NT5C3B: variants seen among roughly 807,000 people sequenced by gnomAD.
The protein encoded by NT5C3B is 7-methylguanosine phosphate-specific 5'-nucleotidase.
A neutral mutation model predicts 32.5 loss-of-function variants in NT5C3B; 28 were observed. That is an observed-to-expected ratio of 0.86 (90% CI 0.64 to 1.18). NT5C3B has a LOEUF of 1.18. Ranked by LOEUF, NT5C3B falls within the 50% of genes most tolerant of loss-of-function variation. The probability of loss-of-function intolerance (pLI) is 0.00; values close to 1 mark genes in which losing one functional copy is unlikely to be tolerated. For synonymous variants in NT5C3B, 138 were observed against 118.0 expected (o/e 1.17, Z -1.10); for missense variants, 317 against 322.0 (o/e 0.98, Z 0.12).
intron 8 of NT5C3B, among the ~76,000 whole-genome samples, chr17:41,825,905 C>T (rs2047952961): frequency 6.6e-6 from 1 of 152,160 alleles, no homozygotes; most frequent in African/African-American, 2.4e-5. Flanking sequence ...AAACAAAAAA[C>T]CAGATGTTGC....
In NT5C3B at chr17:41,836,196, C is replaced by G. The variant is rs1468756693; in HGVS notation, c.-3G>C. ...TCCCTCCTCACCTCCTCTGCCATCCCGTTCGAGGCCTGGTCGGCGGCTCGC... is the reference window on the plus strand; with the variant it reads ...TCCCTCCTCACCTCCTCTGCCATCCGGTTCGAGGCCTGGTCGGCGGCTCGC... On this transcript the variant is annotated 5_prime_UTR_variant, in exon 1 of 9. Coordinates refer to ENST00000435506, the MANE Select transcript of NT5C3B (RefSeq NM_052935.5). 15 of 1,249,562 alleles carry G rather than the reference C, an allele frequency of 1.2e-5. No individual in the cohort carries two copies. The highest frequency in any genetic ancestry group is 2.7e-4 in the Middle Eastern group (1 of 3,736). The allele number at this position is 1,249,562 out of a possible 1,614,324, so 77.4% of individuals were successfully genotyped here. A position where few individuals can be genotyped will look rare whatever the true frequency, so the allele number is the denominator to read the frequency against.
chr17:41,834,950 C>T lies in NT5C3B; in HGVS notation c.228+120G>A, dbSNP rs1311928510. On this transcript the variant is annotated intron_variant, in intron 4 of 8. Transcript: ENST00000435506. ...TAAAACTAGACCCTCCTTAGCAAAA[C>T]AACAAGTTTTTAAAAATTAATTTTC... 9 of 1,012,242 alleles carry T rather than the reference C, an allele frequency of 8.9e-6. No individual in the cohort carries two copies. The African/African-American group carries it at 1.5e-4, about 16-fold the overall frequency. 62.7% of individuals were successfully genotyped at this position (1,012,242 alleles called of 1,614,324 possible). A position where few individuals can be genotyped will look rare whatever the true frequency, so the allele number is the denominator to read the frequency against.
intron 4 of NT5C3B, 37 bp from the exon 5 acceptor site, chr17:41,832,514 A>G: frequency 1.3e-6 from 2 of 1,581,588 alleles, no homozygotes; most frequent in East Asian, 4.5e-5. Flanking sequence ...CCATTAGTCC[A>G]TATCAAGTTC....
chr17:41,829,670 T>C (rs2048021277), intron 6 of NT5C3B, among the ~76,000 whole-genome samples: 1 of 152,224 alleles, frequency 6.6e-6, no homozygotes, highest in South Asian at 2.1e-4. Context: ...GTCACTGCAA[T>C]GCAGCATTAT....
Position 41,831,154 on chromosome 17 carries a change from G to A in NT5C3B, c.315-264C>T, listed in dbSNP as rs575622316. Among the ~76,000 whole-genome samples, 8 of 151,952 alleles carry A rather than the reference G, an allele frequency of 5.3e-5. No homozygotes were observed. In the South Asian group the frequency reaches 1.5e-3, roughly 28 times the overall value. On this transcript the variant is annotated intron_variant, in intron 5 of 8. Coordinates refer to ENST00000435506, the MANE Select transcript of NT5C3B (RefSeq NM_052935.5). ...GCCAGCATGGTGAAACCCTGTCTCC[G>A]CTAAAAATACAAAAATTAGCTGGGC... is the stretch of plus-strand genomic sequence containing the variant.
intron 5 of NT5C3B, among the ~76,000 whole-genome samples, chr17:41,831,385 G>A (rs1168770189): frequency 7.3e-5 from 11 of 151,374 alleles, no homozygotes; most frequent in African/African-American, 2.7e-4. Flanking sequence ...TGCTGGGCAA[G>A]CTGACTGCTG....
intron 8 of NT5C3B, among the ~76,000 whole-genome samples, chr17:41,826,997 C>T (rs1329214226): frequency 2.8e-5 from 2 of 72,096 alleles, no homozygotes; most frequent in Non-Finnish European, 5.5e-5. Flanking sequence ...GAGACTCTAT[C>T]TCAAAAAAAA....
intron 1 of NT5C3B, 54 bp downstream of exon 1, chr17:41,836,128 C>A: frequency 7.6e-7 from 1 of 1,323,574 alleles, no homozygotes; most frequent in Non-Finnish European, 9.6e-7. Flanking sequence ...CTCGAAGCGC[C>A]CCGGGGGTCG....
Position 41,835,924 on chromosome 17 carries a change from G to A in NT5C3B, c.46C>T (p.Arg16Trp), listed in dbSNP as rs1555619891. The A allele has an allele frequency of 3.1e-6, 5 of 1,603,680 alleles. No individual in the cohort carries two copies. The highest frequency in any genetic ancestry group is 4.3e-6 in the Non-Finnish European group (5 of 1,175,904). ...STLMKATVLMRQPGRVQEIVG... is the reference protein window; with the variant it reads ...STLMKATVLMWQPGRVQEIVG... Reference sequence around the variant, plus strand: ...ATCTCCTGCACCCGCCCAGGCTGCCGCATCAGGACCGTGGCCTTCATCAGG... The same window carrying A: ...ATCTCCTGCACCCGCCCAGGCTGCCACATCAGGACCGTGGCCTTCATCAGG... The change falls in exon 2 of 9, where the codon CGG becomes TGG. Residue 16 changes from arginine to tryptophan, a missense_variant. By Grantham distance (101) the Arg-to-Trp change is moderately radical. Coordinates refer to ENST00000435506, the MANE Select transcript of NT5C3B (RefSeq NM_052935.5).
intron 6 of NT5C3B, among the ~76,000 whole-genome samples, chr17:41,830,402 G>C (rs1836878): frequency 6.6e-6 from 1 of 151,898 alleles, no homozygotes; most frequent in Admixed American, 6.6e-5. Context: ...CAGCTTACTC[G>C]GGAGGCTGAG....
In NT5C3B at chr17:41,830,831, TG is replaced by T. The variant is rs1555618908; in HGVS notation, c.373del (p.Gln125ArgfsTer46). ...CATTGCATTGGACTCTCTAACCACC[TG>T]GGCTATCTGAAACTTCTGAATCTTC... ...QQKIQKFQIAQVVRESNAMLR... is the reference protein window; with the variant it reads ...QQKIQKFQIAXVVRESNAMLR... On this transcript the variant is annotated frameshift_variant, in exon 6 of 9. Coordinates refer to ENST00000435506, the MANE Select transcript of NT5C3B (RefSeq NM_052935.5). LOFTEE classifies it high-confidence loss of function. 2 of 1,611,954 alleles carry T rather than the reference TG, an allele frequency of 1.2e-6. No individual in the cohort carries two copies. Among genetic ancestry groups the T allele is most frequent in the South Asian group, 2.2e-5 (2 of 90,908 alleles).
intron 4 of NT5C3B, 87 bp from the exon 5 acceptor site, chr17:41,832,564 C>A (rs1555619212): frequency 7.5e-6 from 9 of 1,203,322 alleles, no homozygotes; most frequent in Non-Finnish European, 1.1e-5. Flanking sequence ...AGAAAAAAGT[C>A]ACCTAGAAGA....
rs1555619724 is a variant in NT5C3B at position 41,835,265 on chromosome 17, G to T, written c.119C>A (p.Ser40Tyr). 6.2e-7 allele frequency: 1 copy of T among 1,614,070 alleles called. No homozygotes were observed. ...KGGGDRLQVI[S>Y]DFDMTLSRFA... ...CCTGCTCAAGGTCATGTCAAAATCAGAAATCACCTATAAGGCAAAAGAGAG... is the reference window on the plus strand; with the variant it reads ...CCTGCTCAAGGTCATGTCAAAATCATAAATCACCTATAAGGCAAAAGAGAG... The change falls in exon 3 of 9, where the codon TCT becomes TAT. Residue 40 changes from serine (S) to tyrosine (Y), a missense_variant. By Grantham distance (144) the Ser-to-Tyr change is moderately radical. Transcript: ENST00000435506.
rs1342704178 is a variant in NT5C3B, at chr17:41,830,679, G to A, written c.404+122C>T. On this transcript the variant is annotated intron_variant, in intron 6 of 8. Coordinates refer to ENST00000435506, the MANE Select transcript of NT5C3B (RefSeq NM_052935.5). Reference sequence around the variant, plus strand: ...AGCTGTATCACATCAGTTGTTCATAGTGCCATGTCCCTTCCGGTCCTTTAA... The same window carrying A: ...AGCTGTATCACATCAGTTGTTCATAATGCCATGTCCCTTCCGGTCCTTTAA... 27 of 705,882 alleles carry A rather than the reference G, an allele frequency of 3.8e-5. No individual in the cohort carries two copies. The East Asian group carries it at 6.4e-4, about 17-fold the overall frequency. 43.7% of individuals were successfully genotyped at this position (705,882 alleles called of 1,614,324 possible). A position where few individuals can be genotyped will look rare whatever the true frequency, so the allele number is the denominator to read the frequency against.
intron 7 of NT5C3B, 124 bp from the exon 8 acceptor site, chr17:41,827,750 T>G (rs2047991157): frequency 3.1e-6 from 2 of 648,406 alleles, no homozygotes; most frequent in Non-Finnish European, 5.6e-6. Context: ...AAAACTTCAC[T>G]GTAGCCTAAA....
intron 4 of NT5C3B, among the ~76,000 whole-genome samples, chr17:41,832,973 TCTC>T (rs1262919898): frequency 1.3e-5 from 2 of 152,208 alleles, no homozygotes; most frequent in Admixed American, 1.3e-4. Context: ...AAGTTTCTCT[TCTC>T]ATATTATCTT....
chr17:41,825,838 CA>C (rs1555618068), intron 8 of NT5C3B, among the ~76,000 whole-genome samples, 181 bp from the exon 9 acceptor site: 1 of 152,202 alleles, frequency 6.6e-6, no homozygotes, highest in African/African-American at 2.4e-5. Flanking sequence ...GAGGGATGGG[CA>C]TGGGCTACCA....
chr17:41,827,426 C>A lies in NT5C3B; in HGVS notation c.768G>T (p.Lys256Asn), dbSNP rs782068534. 6 of 872,484 alleles carry A rather than the reference C, an allele frequency of 6.9e-6. No individual in the cohort carries two copies. The highest frequency in any genetic ancestry group is 1.2e-5 in the Non-Finnish European group (6 of 501,664). The allele number at this position is 872,484 out of a possible 1,614,324, so 54.0% of individuals were successfully genotyped here. ...GAAGCAGCCCTGGTCCTCTACCCAC[C>A]TTGTCATTCAGGAAGCCAATTTTGA... is the stretch of plus-strand genomic sequence containing the variant. ...NILKIGFLNDKVEERRERYMD... is the reference protein window; with the variant it reads ...NILKIGFLNDNVEERRERYMD... Residue 256 changes from lysine to asparagine, a missense_variant and splice_region_variant, in exon 8 of 9, where the codon AAG becomes AAT. Transcript: ENST00000435506.
intron 6 of NT5C3B, among the ~76,000 whole-genome samples, chr17:41,830,276 C>T (rs1397681051): frequency 1.3e-5 from 2 of 152,162 alleles, no homozygotes; most frequent in South Asian, 2.1e-4. Flanking sequence ...TTTGGAAGGC[C>T]GAGGTGGGCG....
Sources: allele counts gnomAD v4.1 joint callset (sites outside exome capture counted in the v4.1 genomes callset), GRCh38; gene constraint gnomAD v4.1.1; transcripts MANE v1.5; gene names NCBI Gene and HGNC (gene_info 2026-07-23, HGNC 2026-07-21).